The following OXCT1 variants were observed in gnomAD, a reference collection of about 807,000 sequenced individuals.
OXCT1 encodes the protein 3-oxoacid CoA-transferase 1.
A neutral mutation model predicts 69.6 loss-of-function variants in OXCT1; 27 were observed. The ratio of observed to expected loss-of-function variants is 0.39; its 90% CI spans 0.29 to 0.54. OXCT1 has a LOEUF of 0.54. Ranked by LOEUF, OXCT1 falls within the 20% of genes least tolerant of loss-of-function variation. The pLI, the probability that OXCT1 is intolerant of heterozygous loss-of-function variation, is 0.72. For synonymous variants in OXCT1, 202 were observed against 217.8 expected (o/e 0.93, Z 0.64); for missense variants, 437 against 650.2 (o/e 0.67, Z 3.57).
In OXCT1 at chr5:41,750,100, G is replaced by C. The variant is rs1297114580; in HGVS notation, c.1339-493C>G. ...GCCTCCCTTCCCCACTCTTAGACTT[G>C]CTCTTAACTGGAATCCATTCTAGTG... On this transcript the variant is annotated intron_variant, in intron 14 of 16. Transcript: ENST00000196371. Among the ~76,000 whole-genome samples, 12 of 133,148 alleles carry C rather than the reference G, an allele frequency of 9.0e-5. No homozygotes were observed. In the East Asian group the frequency reaches 2.7e-3, roughly 30 times the overall value. 87.4% of individuals were successfully genotyped at this position (133,148 alleles called of 152,430 possible).
rs774363967 is a variant in OXCT1, at chr5:41,730,363, A to T, written c.*1366T>A. The T allele has an allele frequency of 1.3e-5, 2 of 152,262 alleles. No individual in the cohort carries two copies. The highest frequency in any genetic ancestry group is 2.4e-5 in the African/African-American group (1 of 41,470). 9.4% of individuals were successfully genotyped at this position (152,262 alleles called of 1,614,324 possible). On this transcript the variant is annotated 3_prime_UTR_variant, in exon 17 of 17. Coordinates refer to ENST00000196371, the MANE Select transcript of OXCT1 (RefSeq NM_000436.4). Reference sequence around the variant, plus strand: ...GTTTTATATATGGTGTGTGTTACTCATAAAAAGCCTGTCCTTTCTCTAATA... The same window carrying T: ...GTTTTATATATGGTGTGTGTTACTCTTAAAAAGCCTGTCCTTTCTCTAATA...
At chr5:41,865,625 T>A (rs1749927855) in intron 1 of OXCT1, among the ~76,000 whole-genome samples, 1 of 152,194 alleles carries the variant, frequency 6.6e-6, no homozygotes, top group African/African-American at 2.4e-5. Context: ...CCATAATAGA[T>A]CATGCTCTTG....
chr5:41,803,295 T>C (rs1022167328), intron 9 of OXCT1, 132 bp from the exon 10 acceptor site: 5 of 640,060 alleles, frequency 7.8e-6, no homozygotes, highest in African/African-American at 1.9e-5. Context: ...AATGAATATA[T>C]TCTCCAATCA....
At chr5:41,786,061 GT>G (rs1157108317) in intron 13 of OXCT1, among the ~76,000 whole-genome samples, 1 of 152,180 alleles carries the variant, frequency 6.6e-6, no homozygotes, top group Non-Finnish European at 1.5e-5. Flanking sequence ...ACCTCAACAG[GT>G]TAATGCTTTG....
chr5:41,769,907 C>T (rs149749306), intron 13 of OXCT1, among the ~76,000 whole-genome samples: 352 of 152,204 alleles, frequency 2.3e-3, no homozygotes, highest in African/African-American at 7.8e-3. Flanking sequence ...TACAGGCACG[C>T]GCCCACCATG....
chr5:41,779,709 T>A (rs1745302925), intron 13 of OXCT1, among the ~76,000 whole-genome samples: 1 of 150,852 alleles, frequency 6.6e-6, no homozygotes, highest in Non-Finnish European at 1.5e-5. Context: ...CATGTAAAGT[T>A]TAGAAAAAAA....
chr5:41,834,710 TA>T (rs1342996903), intron 7 of OXCT1, among the ~76,000 whole-genome samples: 1 of 152,004 alleles, frequency 6.6e-6, no homozygotes. Context: ...AGAGACAGAT[TA>T]AAATACAACA....
chr5:41,810,351 G>C (rs1026373160), intron 7 of OXCT1, among the ~76,000 whole-genome samples: 6 of 152,002 alleles, frequency 3.9e-5, no homozygotes, highest in African/African-American at 1.4e-4. Flanking sequence ...GTTAGAAATG[G>C]GTAATAAAGA....
intron 14 of OXCT1, among the ~76,000 whole-genome samples, chr5:41,750,011 C>G (rs1489613970): frequency 6.6e-6 from 1 of 151,934 alleles, no homozygotes; most frequent in Non-Finnish European, 1.5e-5. Context: ...TGCGTAAGTC[C>G]TCTTCTTAAA....
chr5:41,811,340 G>T (rs1746977759), intron 7 of OXCT1, among the ~76,000 whole-genome samples: 1 of 151,930 alleles, frequency 6.6e-6, no homozygotes, highest in Non-Finnish European at 1.5e-5. Context: ...AGATAAATAT[G>T]GTAATGAATA....
intron 6 of OXCT1, 70 bp from the exon 7 acceptor site, chr5:41,840,581 G>T: frequency 1.1e-6 from 1 of 885,286 alleles, no homozygotes; most frequent in Non-Finnish European, 1.9e-6. Flanking sequence ...TCACCTTTAA[G>T]GTTTTATAGA....
At chr5:41,861,220 A>C in intron 3 of OXCT1, 94 bp downstream of exon 3, 1 of 843,138 alleles carries the variant, frequency 1.2e-6, no homozygotes, top group East Asian at 2.4e-5. Context: ...TGCTCATGTG[A>C]ATAGGAGAAA....
chr5:41,739,366 G>C (rs1394213422), intron 16 of OXCT1, 24 bp downstream of exon 16: 3 of 1,405,052 alleles, frequency 2.1e-6, no homozygotes, highest in Non-Finnish European at 3.0e-6. Context: ...ACAAGTGTCT[G>C]GATTTGTTCA....
In OXCT1 at chr5:41,839,093, T is replaced by C. The variant is rs533254164; in HGVS notation, c.732+1358A>G. ...CACAGGAGGGAAGCCTTTATTACAT[T>C]TGCAGGCTTAGTTAAAGGATTTTCT... is the stretch of plus-strand genomic sequence containing the variant. On this transcript the variant is annotated intron_variant, in intron 7 of 16. Transcript: ENST00000196371. 7.9e-5 allele frequency among the ~76,000 whole-genome samples: 12 copies of C among 152,302 alleles called. No homozygotes were observed. In the South Asian group the frequency reaches 1.2e-3, roughly 16 times the overall value.
intron 13 of OXCT1, among the ~76,000 whole-genome samples, chr5:41,784,961 A>T (rs1446776641): frequency 6.6e-6 from 1 of 152,188 alleles, no homozygotes; most frequent in Non-Finnish European, 1.5e-5. Flanking sequence ...ATTGGGTGTA[A>T]ATAAGGAAAC....
In OXCT1 at chr5:41,730,237, A is replaced by G. The variant is rs1234991944; in HGVS notation, c.*1492T>C. 6.6e-6 allele frequency: 1 copy of G among 152,226 alleles called. No homozygotes were observed. The highest frequency in any genetic ancestry group is 1.5e-5 in the Non-Finnish European group (1 of 68,046). The allele number at this position is 152,226 out of a possible 1,614,324, so 9.4% of individuals were successfully genotyped here. On this transcript the variant is annotated 3_prime_UTR_variant, in exon 17 of 17. Transcript: ENST00000196371. ...AACAATTCTTTTCAAAATCATATCA[A>G]TATATTACTCTCATGGAACTTGCAC...
At chr5:41,759,489 G>A (rs562431804) in intron 14 of OXCT1, among the ~76,000 whole-genome samples, 2 of 152,160 alleles carry the variant, frequency 1.3e-5, no homozygotes, top group South Asian at 4.1e-4. Flanking sequence ...CTGATGTCTA[G>A]GCTCAAATGA....
At chr5:41,824,539 C>T (rs1747711808) in intron 7 of OXCT1, among the ~76,000 whole-genome samples, 1 of 152,080 alleles carries the variant, frequency 6.6e-6, no homozygotes, top group Non-Finnish European at 1.5e-5. Context: ...TAAAATATTA[C>T]CTTGTACATT....
chr5:41,752,281 T>G (rs577244217), intron 14 of OXCT1, among the ~76,000 whole-genome samples: 1 of 152,228 alleles, frequency 6.6e-6, no homozygotes, highest in South Asian at 2.1e-4. Flanking sequence ...CCTCCTTACC[T>G]GATCATTGTA....
Sources: allele counts gnomAD v4.1 joint callset (sites outside exome capture counted in the v4.1 genomes callset), GRCh38; gene constraint gnomAD v4.1.1; transcripts MANE v1.5; gene names NCBI Gene and HGNC (gene_info 2026-07-23, HGNC 2026-07-21).